Variants in DMD observed in about 807,000 individuals in gnomAD.
The protein encoded by DMD is mutant dystrophin.
DMD carries 63 observed loss-of-function variants against 330.1 expected under a neutral mutation model. The ratio of observed to expected loss-of-function variants is 0.19; its 90% CI spans 0.16 to 0.24. The LOEUF (loss-of-function observed/expected upper bound fraction) is 0.24. Ranked by LOEUF, DMD falls within the 10% of genes least tolerant of loss-of-function variation. The pLI, the probability that DMD is intolerant of heterozygous loss-of-function variation, is 1.00. For synonymous variants in DMD, 1,223 were observed against 959.8 expected (o/e 1.27, Z -5.07); for missense variants, 3,344 against 2,684.1 (o/e 1.25, Z -5.43).
intron 1 of DMD, among the ~76,000 whole-genome samples, chrX:33,291,060 C>T (rs1178514732): frequency 1.8e-5 from 2 of 111,014 alleles, no homozygotes; most frequent in Admixed American, 9.6e-5. Context: ...TTACCCACCA[C>T]GATTAAGTCG....
intron 43 of DMD, among the ~76,000 whole-genome samples, chrX:32,224,699 T>C (rs1361124946): frequency 8.9e-6 from 1 of 112,062 alleles, no homozygotes; most frequent in African/African-American, 3.2e-5. Context: ...CAACTCTGGA[T>C]TGACATTATA....
chrX:31,523,552 G>A (rs2073026975), intron 55 of DMD, among the ~76,000 whole-genome samples: 1 of 112,073 alleles, frequency 8.9e-6, no homozygotes, highest in Admixed American at 9.4e-5. Context: ...ACAGTTCTTG[G>A]GTGCAATGAG....
At chrX:31,156,998 T>C (rs73460300) in intron 74 of DMD, among the ~76,000 whole-genome samples, 5,946 of 111,939 alleles carry the variant, frequency 0.053, 341 homozygotes, top group African/African-American at 0.16. Flanking sequence ...CAGCTGAACA[T>C]CTGGGCAAAA....
intron 51 of DMD, among the ~76,000 whole-genome samples, chrX:31,755,069 T>C (rs899275829): frequency 1.8e-5 from 2 of 111,526 alleles, no homozygotes; most frequent in Non-Finnish European, 3.8e-5. Flanking sequence ...GGAATTCACG[T>C]GGGGATAGAG....
At chrX:31,377,159 G>C (rs1352001506) in intron 60 of DMD, among the ~76,000 whole-genome samples, 2 of 111,928 alleles carry the variant, frequency 1.8e-5, no homozygotes, top group Non-Finnish European at 3.8e-5. Context: ...TTGGTAGTGA[G>C]AGTAGAGCGG....
At chrX:32,551,898 T>A (rs2049601004) in intron 16 of DMD, among the ~76,000 whole-genome samples, 1 of 111,536 alleles carries the variant, frequency 9.0e-6, no homozygotes, top group Admixed American at 9.6e-5. Context: ...AGAAATAAGA[T>A]ACCTAGGAAT....
In DMD at chrX:32,535,352, G is replaced by A. The variant is rs1441816556; in HGVS notation, c.2168+9807C>T. ...CCCAACACCACTTGCCCTCCTAATTGTTCATTTGGAGGCAATGGCAGAATA... is the reference window on the plus strand; with the variant it reads ...CCCAACACCACTTGCCCTCCTAATTATTCATTTGGAGGCAATGGCAGAATA... On this transcript the variant is annotated intron_variant, in intron 17 of 78. Transcript: ENST00000357033. 2.7e-5 allele frequency among the ~76,000 whole-genome samples: 3 copies of A among 111,703 alleles called. No individual in the cohort carries two copies. In the Admixed American group the frequency reaches 2.8e-4, roughly 11 times the overall value.
At chrX:32,486,441 G>C (rs1490698411) in intron 20 of DMD, among the ~76,000 whole-genome samples, 3 of 110,916 alleles carry the variant, frequency 2.7e-5, no homozygotes, top group Non-Finnish European at 5.7e-5. Flanking sequence ...GCTTGAATTT[G>C]TGGCTAGCAC....
At chrX:32,356,551 TG>T (rs916995634) in intron 37 of DMD, among the ~76,000 whole-genome samples, 4 of 110,991 alleles carry the variant, frequency 3.6e-5, no homozygotes, top group African/African-American at 1.3e-4. Context: ...AAGGCCTATA[TG>T]GAAATTAAAG....
rs144182525 is a variant in DMD at position 32,651,289 on chromosome X, C to T, written c.961-6137G>A. ...TCCCGAGTAGCTGGGATTACAGGCA[C>T]AAGCCACCACACCGGGCTAATTTTT... On this transcript the variant is annotated intron_variant, in intron 9 of 78. Transcript: ENST00000357033. Among the ~76,000 whole-genome samples, 1,913 of 108,962 alleles carry T rather than the reference C, an allele frequency of 0.018. 23 individuals are homozygous for T. Among genetic ancestry groups the T allele is most frequent in the Non-Finnish European group, 0.027 (1,403 of 52,516 alleles). The allele number at this position is 108,962 out of a possible 115,157, so 94.6% of individuals were successfully genotyped here.
chrX:32,413,707 A>G (rs1021372846), intron 29 of DMD, among the ~76,000 whole-genome samples: 8 of 86,612 alleles, frequency 9.2e-5, no homozygotes, highest in Admixed American at 2.5e-4. Flanking sequence ...TAAAAGCTCT[A>G]TTCTTTTTTT....
At chrX:31,878,867 G>A (rs1321429205) in intron 47 of DMD, among the ~76,000 whole-genome samples, 1 of 112,095 alleles carries the variant, frequency 8.9e-6, no homozygotes, top group Admixed American at 9.5e-5. Context: ...CAAGGCTGTG[G>A]GAAAATGCAG....
At chrX:31,608,059 A>G (rs938573069) in intron 55 of DMD, among the ~76,000 whole-genome samples, 19 of 111,755 alleles carry the variant, frequency 1.7e-4, no homozygotes, top group African/African-American at 6.2e-4. Flanking sequence ...AACAAATTGG[A>G]AAGGAATTTT....
chrX:31,277,247 G>A (rs1032450649), intron 62 of DMD, among the ~76,000 whole-genome samples: 1 of 109,924 alleles, frequency 9.1e-6, no homozygotes, highest in African/African-American at 3.3e-5. Flanking sequence ...ATTACCTATA[G>A]TCACCATGGT....
In DMD at chrX:32,741,484, G is replaced by C. The variant is rs771940703; in HGVS notation, c.650-42191C>G. 2.7e-5 allele frequency among the ~76,000 whole-genome samples: 3 copies of C among 111,533 alleles called. 1 individual carries two copies. The South Asian group carries it at 1.1e-3, about 43-fold the overall frequency. Reference sequence around the variant, plus strand: ...CAGACTTGGCACATATATTGTTGTCGTTAAGGTGATATCCATGAGTCCATA... The same window carrying C: ...CAGACTTGGCACATATATTGTTGTCCTTAAGGTGATATCCATGAGTCCATA... On this transcript the variant is annotated intron_variant, in intron 7 of 78. Transcript: ENST00000357033.
intron 7 of DMD, among the ~76,000 whole-genome samples, chrX:32,764,215 A>C (rs1039328357): frequency 4.5e-5 from 5 of 111,254 alleles, no homozygotes; most frequent in African/African-American, 1.6e-4. Flanking sequence ...TTAAATTTAC[A>C]CTATAAAACT....
chrX:33,025,507 T>C (rs16990844), intron 1 of DMD, among the ~76,000 whole-genome samples: 1 of 110,482 alleles, frequency 9.1e-6, no homozygotes, highest in Non-Finnish European at 1.9e-5. Flanking sequence ...CTATAAACAC[T>C]AACAATTATT....
At chrX:32,072,385 A>C (rs2096307476) in intron 44 of DMD, among the ~76,000 whole-genome samples, 2 of 110,738 alleles carry the variant, frequency 1.8e-5, no homozygotes, top group Non-Finnish European at 3.8e-5. Context: ...TAGTGAACAA[A>C]GATTTTTTAT....
intron 60 of DMD, among the ~76,000 whole-genome samples, chrX:31,377,049 A>G (rs1273015820): frequency 1.8e-5 from 2 of 112,274 alleles, no homozygotes; most frequent in Non-Finnish European, 3.8e-5. Context: ...TCTACTCGTT[A>G]CACAAAAAGA....
Sources: allele counts gnomAD v4.1 joint callset (sites outside exome capture counted in the v4.1 genomes callset), GRCh38; gene constraint gnomAD v4.1.1; transcripts MANE v1.5; gene names NCBI Gene and HGNC (gene_info 2026-07-23, HGNC 2026-07-21).